PREX1: variants seen among roughly 807,000 people sequenced by gnomAD.
The protein encoded by PREX1 is phosphatidylinositol-3,4,5-trisphosphate dependent Rac exchange factor 1.
A neutral mutation model predicts 198.3 loss-of-function variants in PREX1; 41 were observed. The ratio of observed to expected loss-of-function variants is 0.21; its 90% CI spans 0.16 to 0.27. The LOEUF is 0.27. Among genes scored for constraint, PREX1 ranks in the 10% least tolerant of loss-of-function variants. The probability of loss-of-function intolerance (pLI) is 1.00; values close to 1 mark genes in which losing one functional copy is unlikely to be tolerated. For missense variants in PREX1, 1,620 were observed against 2,200.7 expected (o/e 0.74, Z 5.28); for synonymous variants, 843 against 887.2 (o/e 0.95, Z 0.89).
chr20:48,681,631 G>A (rs1310229704), intron 10 of PREX1, among the ~76,000 whole-genome samples: 4 of 152,092 alleles, frequency 2.6e-5, no homozygotes, highest in Non-Finnish European at 5.9e-5. Context: ...AGAGAGGGAA[G>A]GAGGGAAGGA....
At chr20:48,705,500 G>C (rs1421559158) in intron 6 of PREX1, among the ~76,000 whole-genome samples, 1 of 152,180 alleles carries the variant, frequency 6.6e-6, no homozygotes, top group East Asian at 1.9e-4. Context: ...ACAGCTATCT[G>C]ATCAGATCAG....
rs1397882318 is a variant in PREX1, at chr20:48,745,161, A to T, written c.292-14T>A. The T allele has an allele frequency of 6.2e-7, 1 of 1,610,440 alleles. No individual in the cohort carries two copies. Among genetic ancestry groups the T allele is most frequent in the Non-Finnish European group, 8.5e-7 (1 of 1,176,934 alleles). On this transcript the variant is annotated splice_polypyrimidine_tract_variant and intron_variant, in intron 2 of 39. Coordinates refer to ENST00000371941, the MANE Select transcript of PREX1 (RefSeq NM_020820.4). Reference sequence around the variant, plus strand: ...CGAGAACAGGACCTGTGAGGAAAAGAGAGGCCAGAGGACAGCGTTAAGGCT... The same window carrying T: ...CGAGAACAGGACCTGTGAGGAAAAGTGAGGCCAGAGGACAGCGTTAAGGCT...
intron 1 of PREX1, among the ~76,000 whole-genome samples, chr20:48,813,554 C>T (rs1345596201): frequency 6.6e-6 from 1 of 152,166 alleles, no homozygotes; most frequent in Non-Finnish European, 1.5e-5. Flanking sequence ...CACAAGAGAA[C>T]GTCTGTCTTC....
chr20:48,838,719 C>T, the PREX1 span, among the ~76,000 whole-genome samples: 1 of 151,998 alleles, frequency 6.6e-6, no homozygotes, highest in South Asian at 2.1e-4. Context: ...ACATGTATTA[C>T]ATATTCATAG....
chr20:48,815,468 G>A (rs2090454989), intron 1 of PREX1, among the ~76,000 whole-genome samples: 1 of 152,188 alleles, frequency 6.6e-6, no homozygotes, highest in South Asian at 2.1e-4. Flanking sequence ...TAAACAATGA[G>A]TTATCTGGAA....
rs75281586 is a variant in PREX1 at position 48,640,995 on chromosome 20, T to C, written c.3776-1101A>G. ...GTGGCTGAGTGGGTGAATGGATGGA[T>C]AGCTAGATGATAAATGGATGAGTGG... On this transcript the variant is annotated intron_variant, in intron 29 of 39. Transcript: ENST00000371941. 6.7e-3 allele frequency among the ~76,000 whole-genome samples: 1,019 copies of C among 151,408 alleles called. 24 individuals are homozygous for C. The East Asian group carries it at 0.084, about 12-fold the overall frequency.
At chr20:48,803,025 C>T (rs111961690) in intron 1 of PREX1, among the ~76,000 whole-genome samples, 2,760 of 152,288 alleles carry the variant, frequency 0.018, 90 homozygotes, top group African/African-American at 0.063. Flanking sequence ...CTTAGAAATG[C>T]GGCATCTCAG....
upstream of PREX1, among the ~76,000 whole-genome samples, chr20:48,828,411 C>T (rs1015130727): frequency 1.3e-5 from 2 of 152,172 alleles, no homozygotes; most frequent in African/African-American, 2.4e-5. Context: ...GCAGGTCCGG[C>T]CGCTGCTCGG....
the PREX1 span, among the ~76,000 whole-genome samples, chr20:48,851,216 G>A: frequency 7.9e-5 from 12 of 152,186 alleles, no homozygotes; most frequent in Middle Eastern, 3.4e-3. Context: ...GGTCTAAATC[G>A]CTACTTGAGG....
chr20:48,877,099 C>A, the PREX1 span, among the ~76,000 whole-genome samples: 5 of 151,876 alleles, frequency 3.3e-5, no homozygotes, highest in Non-Finnish European at 7.4e-5. Flanking sequence ...GTGAAACCCC[C>A]TCTCTACTAA....
At chr20:48,777,959 C>G (rs556824722) in intron 1 of PREX1, among the ~76,000 whole-genome samples, 1 of 152,232 alleles carries the variant, frequency 6.6e-6, no homozygotes, top group African/African-American at 2.4e-5. Flanking sequence ...CCAACAGAAG[C>G]CATGCAAGGA....
At chr20:48,777,587 G>A (rs1056602379) in intron 1 of PREX1, among the ~76,000 whole-genome samples, 3 of 152,152 alleles carry the variant, frequency 2.0e-5, no homozygotes, top group Non-Finnish European at 4.4e-5. Flanking sequence ...GCCCTCAAGA[G>A]GTTAACAGTC....
intron 29 of PREX1, among the ~76,000 whole-genome samples, chr20:48,641,828 G>A (rs58535635): frequency 0.015 from 1,546 of 104,212 alleles, 18 homozygotes; most frequent in African/African-American, 0.038. Context: ...GAAAGAAAGA[G>A]AGAGAGAGAG....
upstream of PREX1, among the ~76,000 whole-genome samples, chr20:48,831,887 A>G (rs1200171686): frequency 6.6e-6 from 1 of 152,190 alleles, no homozygotes; most frequent in Non-Finnish European, 1.5e-5. Flanking sequence ...GCTGCCTCCC[A>G]GCTAATCCTG....
chr20:48,658,785 G>A (rs908455354), intron 16 of PREX1, among the ~76,000 whole-genome samples: 3 of 152,154 alleles, frequency 2.0e-5, no homozygotes. Flanking sequence ...GATAGGGCAC[G>A]GCAAGGGGGC....
At chr20:48,656,763 G>A (rs546893527) in intron 18 of PREX1, among the ~76,000 whole-genome samples, 1 of 152,258 alleles carries the variant, frequency 6.6e-6, no homozygotes, top group East Asian at 1.9e-4. Flanking sequence ...CACATTGTCT[G>A]TCTCCTGCCT....
chr20:48,778,730 AAGG>A (rs2122912942), intron 1 of PREX1, among the ~76,000 whole-genome samples: 1 of 152,378 alleles, frequency 6.6e-6, no homozygotes, highest in East Asian at 1.9e-4. Flanking sequence ...GACTTTTCAT[AAGG>A]ATGCAAAGGC....
the PREX1 span, among the ~76,000 whole-genome samples, chr20:48,834,174 A>AT: frequency 6.6e-6 from 1 of 152,162 alleles, no homozygotes; most frequent in Non-Finnish European, 1.5e-5. Context: ...TAAGGTTTAT[A>AT]ACGTGAAGGC....
intron 14 of PREX1, among the ~76,000 whole-genome samples, chr20:48,673,314 G>A (rs1258437106): frequency 6.6e-6 from 1 of 152,160 alleles, no homozygotes; most frequent in Non-Finnish European, 1.5e-5. Flanking sequence ...CCAAATCTCA[G>A]GGCTCATCCT....
Sources: allele counts gnomAD v4.1 joint callset (sites outside exome capture counted in the v4.1 genomes callset), GRCh38; gene constraint gnomAD v4.1.1; transcripts MANE v1.5; gene names NCBI Gene and HGNC (gene_info 2026-07-23, HGNC 2026-07-21).